FAM107B: variants seen among roughly 807,000 people sequenced by gnomAD.
The protein encoded by FAM107B is protein FAM107B.
In FAM107B, 21 loss-of-function variants were observed where a neutral mutation model predicts 31.5. That is an observed-to-expected ratio of 0.67 (90% CI 0.47 to 0.96). FAM107B has a LOEUF of 0.96. Ranked by LOEUF, FAM107B falls within the 40% of genes least tolerant of loss-of-function variation. The probability of loss-of-function intolerance (pLI) is 0.00; values close to 1 mark genes in which losing one functional copy is unlikely to be tolerated. For synonymous variants in FAM107B, 157 were observed against 141.5 expected, an observed-to-expected ratio of 1.11 and a Z score of -0.78; for missense variants, 452 against 377.1, an observed-to-expected ratio of 1.20 and a Z score of -1.64.
chr10:14,743,847 G>T (rs1006727988), intron 1 of FAM107B, among the ~76,000 whole-genome samples: 1 of 152,090 alleles, frequency 6.6e-6, no homozygotes, highest in African/African-American at 2.4e-5. Context: ...CTCTTTTTTG[G>T]TTCCATATGA....
chr10:14,732,339 T>A, intron 1 of FAM107B, among the ~76,000 whole-genome samples: 1 of 152,120 alleles, frequency 6.6e-6, no homozygotes, highest in Admixed American at 6.5e-5. Context: ...ATTAATCAAC[T>A]TGTCAGGGAG....
chr10:14,660,012 TA>T (rs1307102336), intron 2 of FAM107B, among the ~76,000 whole-genome samples: 3 of 152,216 alleles, frequency 2.0e-5, no homozygotes, highest in African/African-American at 7.2e-5. Flanking sequence ...GAAACTTGAC[TA>T]AATGCAGATG....
chr10:14,651,068 C>A (rs1271116236), intron 2 of FAM107B, among the ~76,000 whole-genome samples: 1 of 152,164 alleles, frequency 6.6e-6, no homozygotes, highest in African/African-American at 2.4e-5. Flanking sequence ...CCTGAGACAA[C>A]CTCCAAATTA....
At chr10:14,610,733 A>G (rs1852704893) in intron 2 of FAM107B, among the ~76,000 whole-genome samples, 1 of 152,250 alleles carries the variant, frequency 6.6e-6, no homozygotes, top group Admixed American at 6.5e-5. Flanking sequence ...ACTTCATTAA[A>G]TATGCTAACA....
intron 1 of FAM107B, among the ~76,000 whole-genome samples, chr10:14,731,165 AC>A (rs1256872643): frequency 6.6e-6 from 1 of 152,164 alleles, no homozygotes; most frequent in African/African-American, 2.4e-5. Context: ...TTTATTGAGT[AC>A]CTAGGTGTCA....
chr10:14,742,960 T>C (rs1383493259), intron 1 of FAM107B, among the ~76,000 whole-genome samples: 1 of 152,198 alleles, frequency 6.6e-6, no homozygotes, highest in African/African-American at 2.4e-5. Flanking sequence ...TTAATCTCTG[T>C]GTTTCTTGGT....
chr10:14,677,892 C>A (rs1463900565), intron 1 of FAM107B, among the ~76,000 whole-genome samples: 1 of 152,148 alleles, frequency 6.6e-6, no homozygotes, highest in Admixed American at 6.6e-5. Flanking sequence ...CATTAAAAAG[C>A]GGTGTATTGA....
intron 2 of FAM107B, among the ~76,000 whole-genome samples, chr10:14,629,132 A>G (rs1016000118): frequency 1.5e-4 from 22 of 146,674 alleles, no homozygotes; most frequent in Admixed American, 2.8e-4. Flanking sequence ...TAAGATGTTT[A>G]AAGGAGTTTA....
At chr10:14,593,206 T>C (rs1852075803) in intron 2 of FAM107B, among the ~76,000 whole-genome samples, 1 of 152,172 alleles carries the variant, frequency 6.6e-6, no homozygotes. Flanking sequence ...AAAAGCTTTT[T>C]TGTTTGCTAC....
chr10:14,745,332 T>A (rs1330809627), intron 1 of FAM107B, among the ~76,000 whole-genome samples: 1 of 152,158 alleles, frequency 6.6e-6, no homozygotes, highest in Non-Finnish European at 1.5e-5. Flanking sequence ...TTATTTCTTG[T>A]CTTTTGCTAG....
At chr10:14,653,333 A>G (rs1853950560) in intron 2 of FAM107B, among the ~76,000 whole-genome samples, 1 of 152,194 alleles carries the variant, frequency 6.6e-6, no homozygotes, top group South Asian at 2.1e-4. Context: ...TACCATGCAC[A>G]CTGGAGTTAT....
intron 1 of FAM107B, among the ~76,000 whole-genome samples, chr10:14,701,281 G>A (rs1381120400): frequency 6.6e-6 from 1 of 151,900 alleles, no homozygotes; most frequent in Non-Finnish European, 1.5e-5. Context: ...CTCTCACTCT[G>A]TCGTCCAGGC....
At chr10:14,635,329 G>C (rs1853470780) in intron 2 of FAM107B, among the ~76,000 whole-genome samples, 1 of 152,162 alleles carries the variant, frequency 6.6e-6, no homozygotes, top group African/African-American at 2.4e-5. Context: ...CTTGGCTGAT[G>C]CCTAAACTTT....
chr10:14,705,227 G>C (rs1490533988), intron 1 of FAM107B, among the ~76,000 whole-genome samples: 1 of 152,082 alleles, frequency 6.6e-6, no homozygotes, highest in Non-Finnish European at 1.5e-5. Context: ...GCAGTGATGA[G>C]AATGTAGAGA....
intron 1 of FAM107B, among the ~76,000 whole-genome samples, chr10:14,765,048 T>C (rs1242207950): frequency 6.6e-6 from 1 of 152,206 alleles, no homozygotes; most frequent in East Asian, 1.9e-4. Flanking sequence ...GGTAGATTTT[T>C]CTCTGACAAG....
intron 2 of FAM107B, among the ~76,000 whole-genome samples, chr10:14,609,096 G>T (rs967694800): frequency 1.3e-5 from 2 of 152,144 alleles, no homozygotes; most frequent in Non-Finnish European, 2.9e-5. Flanking sequence ...TTTGTTTTTG[G>T]TTTAAATAAG....
At chr10:14,657,138 T>C (rs538382089) in intron 2 of FAM107B, among the ~76,000 whole-genome samples, 5 of 152,350 alleles carry the variant, frequency 3.3e-5, no homozygotes, top group Admixed American at 6.5e-5. Context: ...ATTTTTGTAT[T>C]TTCCCATTTA....
intron 2 of FAM107B, among the ~76,000 whole-genome samples, chr10:14,584,691 C>T (rs938940920): frequency 1.3e-5 from 2 of 152,140 alleles, no homozygotes; most frequent in South Asian, 2.1e-4. Context: ...AACCTAAGGC[C>T]GATTCACACT....
intron 1 of FAM107B, among the ~76,000 whole-genome samples, chr10:14,667,998 G>A (rs1420999198): frequency 1.3e-5 from 2 of 152,034 alleles, no homozygotes; most frequent in South Asian, 2.1e-4. Context: ...ATATTTGAAG[G>A]CACCCGTGAC....
Sources: gnomAD v4.1 joint callset for allele counts (sites outside exome capture counted in the v4.1 genomes callset) on GRCh38, gnomAD v4.1.1 for gene constraint, MANE v1.5 for transcripts, NCBI Gene and HGNC (gene_info 2026-07-23, HGNC 2026-07-21) for gene names.